The following HECW2 variants were observed in gnomAD, a reference collection of about 807,000 sequenced individuals.
The protein encoded by HECW2 is E3 ubiquitin-protein ligase HECW2.
Under a neutral mutation model 175.2 loss-of-function variants are expected in HECW2, and 61 were observed. The ratio of observed to expected loss-of-function variants is 0.35; its 90% CI spans 0.28 to 0.43. HECW2 has a LOEUF of 0.43. Among genes scored for constraint, HECW2 ranks in the 20% least tolerant of loss-of-function variants. The pLI is 1.00. For synonymous variants in HECW2, 671 were observed against 731.0 expected, an observed-to-expected ratio of 0.92 and a Z score of 1.32; for missense variants, 1,524 against 2,000.5, an observed-to-expected ratio of 0.76 and a Z score of 4.54.
intron 2 of HECW2, among the ~76,000 whole-genome samples, chr2:196,392,741 G>C (rs973510459): frequency 2.0e-5 from 3 of 152,030 alleles, no homozygotes; most frequent in Non-Finnish European, 4.4e-5. Context: ...AATAAATGGA[G>C]AAAAGGAAGA....
At chr2:196,344,025 C>T (rs952008844) in intron 2 of HECW2, among the ~76,000 whole-genome samples, 4 of 152,008 alleles carry the variant, frequency 2.6e-5, no homozygotes, top group African/African-American at 9.7e-5. Flanking sequence ...GACAAAACTG[C>T]AAAGAACAAA....
At chr2:196,209,888 C>A (rs184811279) in intron 28 of HECW2, among the ~76,000 whole-genome samples, 2 of 152,040 alleles carry the variant, frequency 1.3e-5, no homozygotes, top group Non-Finnish European at 1.5e-5. Context: ...CTCTGCCTCC[C>A]GAGTAGATGG....
At chr2:196,548,350 A>G (rs1241833584) in intron 1 of HECW2, among the ~76,000 whole-genome samples, 2 of 151,604 alleles carry the variant, frequency 1.3e-5, no homozygotes, top group Non-Finnish European at 2.9e-5. Context: ...AAAAGAAAAG[A>G]AGAAAAAGAA....
chr2:196,534,319 A>G lies in HECW2; in HGVS notation c.-36+59189T>C, dbSNP rs991470177. Among the ~76,000 whole-genome samples the G allele has an allele frequency of 5.9e-5, 9 of 152,126 alleles. 1 individual carries two copies. Among genetic ancestry groups the G allele is most frequent in the African/African-American group, 2.2e-4 (9 of 41,424 alleles). ...AATCTTTACTCTACTTTGTTCTTCA[A>G]CTATGTAGCCCTTCCCTGCCTCATG... On this transcript the variant is annotated intron_variant, in intron 1 of 28. Coordinates refer to ENST00000644978, the MANE Select transcript of HECW2 (RefSeq NM_001348768.2).
At chr2:196,504,733 T>C (rs1302625000) in intron 1 of HECW2, among the ~76,000 whole-genome samples, 1 of 152,204 alleles carries the variant, frequency 6.6e-6, no homozygotes, top group Non-Finnish European at 1.5e-5. Flanking sequence ...ACAGAGAGTG[T>C]ATGAACCAAC....
At chr2:196,229,985 T>C (rs1263308261) in intron 21 of HECW2, among the ~76,000 whole-genome samples, 1 of 152,192 alleles carries the variant, frequency 6.6e-6, no homozygotes, top group Non-Finnish European at 1.5e-5. Flanking sequence ...ACCAGTGGTA[T>C]TAAAAATCCT....
chr2:196,280,770 T>C (rs186891042), intron 14 of HECW2, among the ~76,000 whole-genome samples: 27 of 152,308 alleles, frequency 1.8e-4, no homozygotes, highest in South Asian at 1.0e-3. Context: ...TCTAATACAA[T>C]TGTCCACTAT....
chr2:196,541,506 T>C (rs931055384), intron 1 of HECW2, among the ~76,000 whole-genome samples: 2 of 152,120 alleles, frequency 1.3e-5, no homozygotes, highest in African/African-American at 2.4e-5. Flanking sequence ...CCCAAGAGCC[T>C]TTAAGTCCTT....
intron 1 of HECW2, among the ~76,000 whole-genome samples, chr2:196,468,097 C>T (rs778827981): frequency 2.6e-5 from 4 of 152,170 alleles, no homozygotes; most frequent in Non-Finnish European, 5.9e-5. Flanking sequence ...CAGGTCCAAG[C>T]AATTCTCCTG....
Position 196,465,824 on chromosome 2 carries a change from A to G in HECW2, c.-35-32366T>C, listed in dbSNP as rs191984091. Among the ~76,000 whole-genome samples, 70 of 152,128 alleles carry G rather than the reference A, an allele frequency of 4.6e-4. No individual in the cohort carries two copies. The East Asian group carries it at 9.7e-3, about 21-fold the overall frequency. Reference sequence around the variant, plus strand: ...ACCATTTCTTGTTTTCTATTCCTTTAGCCTCATGCAATTCCACTGGATGTA... The same window carrying G: ...ACCATTTCTTGTTTTCTATTCCTTTGGCCTCATGCAATTCCACTGGATGTA... On this transcript the variant is annotated intron_variant, in intron 1 of 28. Transcript: ENST00000644978.
At chr2:196,589,130 C>T (rs887417765) in intron 1 of HECW2, among the ~76,000 whole-genome samples, 2 of 152,074 alleles carry the variant, frequency 1.3e-5, no homozygotes, top group Non-Finnish European at 2.9e-5. Context: ...ACCCAGGAGG[C>T]GGAGGATGCG....
At chr2:196,254,354 T>G (rs4372925) in intron 18 of HECW2, among the ~76,000 whole-genome samples, 84,429 of 152,068 alleles carry the variant, frequency 0.56, 26,881 homozygotes, top group Non-Finnish European at 0.71. Context: ...CAACACAAAA[T>G]AGAAAATGTT....
intron 14 of HECW2, chr2:196,288,535 G>T (rs4850695): frequency 6.6e-6 from 1 of 152,006 alleles, no homozygotes; most frequent in Non-Finnish European, 1.5e-5. Context: ...GAGACCAGCC[G>T]TTCCTTAAGA....
chr2:196,515,166 G>A (rs576863239), intron 1 of HECW2, among the ~76,000 whole-genome samples: 88 of 152,314 alleles, frequency 5.8e-4, no homozygotes, highest in African/African-American at 2.1e-3. Context: ...GCACAGAGCC[G>A]GCACCTGTGC....
chr2:196,342,315 A>G (rs1284575220), intron 3 of HECW2, among the ~76,000 whole-genome samples: 2 of 151,710 alleles, frequency 1.3e-5, no homozygotes, highest in African/African-American at 4.8e-5. Context: ...GAGGGAGGAG[A>G]ATTGCTTGAA....
At chr2:196,229,649 A>C (rs2105844309) in intron 21 of HECW2, among the ~76,000 whole-genome samples, 1 of 152,336 alleles carries the variant, frequency 6.6e-6, no homozygotes, top group Admixed American at 6.5e-5. Flanking sequence ...ACTGCACTCC[A>C]GCCCAGGTGA....
chr2:196,370,902 AG>A (rs1489973628), intron 2 of HECW2, among the ~76,000 whole-genome samples: 1 of 152,114 alleles, frequency 6.6e-6, no homozygotes, highest in East Asian at 1.9e-4. Context: ...GCTGGAGGAT[AG>A]GGGGGATGCA....
At chr2:196,216,238 C>T (rs772787020) in intron 27 of HECW2, among the ~76,000 whole-genome samples, 1 of 152,176 alleles carries the variant, frequency 6.6e-6, no homozygotes, top group African/African-American at 2.4e-5. Context: ...TGCAGCTGAC[C>T]AGCTCAGAAG....
chr2:196,566,350 G>A (rs1351281465), intron 1 of HECW2, among the ~76,000 whole-genome samples: 1 of 150,872 alleles, frequency 6.6e-6, no homozygotes, highest in Non-Finnish European at 1.5e-5. Flanking sequence ...ATTTAGGTCT[G>A]CGCCTTTTAC....
Sources: gnomAD v4.1 joint callset for allele counts (sites outside exome capture counted in the v4.1 genomes callset) on GRCh38, gnomAD v4.1.1 for gene constraint, MANE v1.5 for transcripts, NCBI Gene and HGNC (gene_info 2026-07-23, HGNC 2026-07-21) for gene names.